The following ST8SIA5 variants were observed in gnomAD, a reference collection of about 807,000 sequenced individuals.
The protein encoded by ST8SIA5 is ST8 alpha-N-acetyl-neuraminide alpha-2,8-sialyltransferase 5, also known as alpha-2,8-sialyltransferase 8E.
Under a neutral mutation model 40.2 loss-of-function variants are expected in ST8SIA5, and 24 were observed. That is an observed-to-expected ratio of 0.60 (90% CI 0.43 to 0.84). ST8SIA5 has a LOEUF of 0.84. Among genes scored for constraint, ST8SIA5 ranks in the 40% least tolerant of loss-of-function variants. The pLI is 0.00. For missense variants in ST8SIA5, 465 were observed against 498.5 expected, an observed-to-expected ratio of 0.93 and a Z score of 0.64; for synonymous variants, 198 against 201.8, an observed-to-expected ratio of 0.98 and a Z score of 0.16.
At chr18:46,727,441 C>T (rs1254018848) in intron 1 of ST8SIA5, among the ~76,000 whole-genome samples, 1 of 152,090 alleles carries the variant, frequency 6.6e-6, no homozygotes, top group African/African-American at 2.4e-5. Flanking sequence ...GAGCCAACTA[C>T]CAGGGGAATT....
intron 1 of ST8SIA5, among the ~76,000 whole-genome samples, chr18:46,749,911 A>G (rs2040180320): frequency 6.6e-6 from 1 of 152,192 alleles, no homozygotes; most frequent in South Asian, 2.1e-4. Flanking sequence ...CCAGAGACTT[A>G]GCTACCTCTC....
chr18:46,752,675 A>G (rs993547765), intron 1 of ST8SIA5, among the ~76,000 whole-genome samples: 1 of 152,222 alleles, frequency 6.6e-6, no homozygotes, highest in African/African-American at 2.4e-5. Flanking sequence ...CCAAAGAAGT[A>G]AGCACACATC....
intron 1 of ST8SIA5, among the ~76,000 whole-genome samples, chr18:46,716,086 G>GGATAGATAGATA (rs61514320): frequency 0.13 from 18,641 of 139,586 alleles, 1,516 homozygotes; most frequent in Non-Finnish European, 0.17. Flanking sequence ...GAGTCACACA[G>GGATAGATAGATA]GATAGATAGA....
Position 46,681,626 on chromosome 18 carries a change from A to T in ST8SIA5, c.662+346T>A, listed in dbSNP as rs116822761. Among the ~76,000 whole-genome samples the T allele has an allele frequency of 7.7e-3, 1,167 of 152,272 alleles. 15 individuals are homozygous for T. The highest frequency in any genetic ancestry group is 0.026 in the African/African-American group (1,083 of 41,554). On this transcript the variant is annotated intron_variant, in intron 6 of 6. Transcript: ENST00000315087. ...CTGGAAAGCTGACCCACCCATCTCTAGGTGAAGGTAGTGTAGACCAGCACC... is the reference window on the plus strand; with the variant it reads ...CTGGAAAGCTGACCCACCCATCTCTTGGTGAAGGTAGTGTAGACCAGCACC...
At chr18:46,729,677 G>A (rs1385193687) in intron 1 of ST8SIA5, among the ~76,000 whole-genome samples, 1 of 152,174 alleles carries the variant, frequency 6.6e-6, no homozygotes. Flanking sequence ...GGCCCACAGG[G>A]GCTGTCCCCT....
chr18:46,699,973 G>A (rs933629073), intron 2 of ST8SIA5, among the ~76,000 whole-genome samples: 2 of 152,188 alleles, frequency 1.3e-5, no homozygotes, highest in African/African-American at 4.8e-5. Context: ...AGCTCCCAGT[G>A]GCAGAAAAAT....
rs779044184 is a variant in ST8SIA5 at position 46,686,295 on chromosome 18, G to A, written c.457-9C>T. On this transcript the variant is annotated splice_polypyrimidine_tract_variant and intron_variant, in intron 4 of 6. Transcript: ENST00000315087. ...CGGTAGTAGGGCATGTCCTGGGGGA[G>A]GCACAGGCACAGCTGTCAGAGCCAA... The A allele has an allele frequency of 3.1e-6, 5 of 1,612,730 alleles. No individual in the cohort carries two copies. Among genetic ancestry groups the A allele is most frequent in the Non-Finnish European group, 4.2e-6 (5 of 1,178,924 alleles).
chr18:46,751,823 C>T (rs2040198191), intron 1 of ST8SIA5, among the ~76,000 whole-genome samples: 1 of 152,206 alleles, frequency 6.6e-6, no homozygotes, highest in Non-Finnish European at 1.5e-5. Context: ...CCGGCTATAA[C>T]ATATGCCATA....
rs566184762 is a variant in ST8SIA5, at chr18:46,745,800, C to T, written c.131+10578G>A. 1.1e-4 allele frequency among the ~76,000 whole-genome samples: 16 copies of T among 152,234 alleles called. No individual in the cohort carries two copies. In the South Asian group the frequency reaches 2.3e-3, roughly 22 times the overall value. On this transcript the variant is annotated intron_variant, in intron 1 of 6. Transcript: ENST00000315087. ...TTAGACCAATATCCCTGATAAACAT[C>T]GATGCAAAAGTCCTCAATAAAATAC...
At chr18:46,680,849 A>C (rs2039387385) in intron 6 of ST8SIA5, among the ~76,000 whole-genome samples, 1 of 152,182 alleles carries the variant, frequency 6.6e-6, no homozygotes, top group African/African-American at 2.4e-5. Flanking sequence ...CTTGCTCTAG[A>C]GGCCTCACGC....
In ST8SIA5 at chr18:46,679,110, AT is replaced by A. The variant is rs753528722; in HGVS notation, c.*931del. 2 of 152,250 alleles carry A rather than the reference AT, an allele frequency of 1.3e-5. No individual in the cohort carries two copies. Among genetic ancestry groups the A allele is most frequent in the South Asian group, 2.1e-4 (1 of 4,830 alleles). 9.4% of individuals were successfully genotyped at this position (152,250 alleles called of 1,614,324 possible). A position where few individuals can be genotyped will look rare whatever the true frequency, so the allele number is the denominator to read the frequency against. On this transcript the variant is annotated 3_prime_UTR_variant, in exon 7 of 7. Transcript: ENST00000315087. ...ACACGATACAGCAGGATTCTGCAGGATTCAGAGACATGAGAGGAAGAGGTCT... is the reference window on the plus strand; with the variant it reads ...ACACGATACAGCAGGATTCTGCAGGATCAGAGACATGAGAGGAAGAGGTCT...
At chr18:46,695,323 G>A (rs1482319838) in intron 2 of ST8SIA5, among the ~76,000 whole-genome samples, 4 of 152,154 alleles carry the variant, frequency 2.6e-5, no homozygotes, top group Admixed American at 2.6e-4. Context: ...AAAAGTCATG[G>A]AAGATAGTAA....
chr18:46,702,283 C>A (rs71364561), intron 2 of ST8SIA5, among the ~76,000 whole-genome samples: 10,197 of 152,278 alleles, frequency 0.067, 441 homozygotes, highest in East Asian at 0.18. Context: ...GACAGACTCT[C>A]TGCTACCAGC....
At chr18:46,684,520 G>A (rs1204195077) in intron 5 of ST8SIA5, among the ~76,000 whole-genome samples, 1 of 152,168 alleles carries the variant, frequency 6.6e-6, no homozygotes, top group Non-Finnish European at 1.5e-5. Context: ...AGGAGATAAA[G>A]GCAGAGTGGC....
intron 1 of ST8SIA5, among the ~76,000 whole-genome samples, chr18:46,711,357 A>G (rs2039730390): frequency 1.3e-5 from 2 of 152,210 alleles, no homozygotes; most frequent in African/African-American, 4.8e-5. Flanking sequence ...CCCATTTTAT[A>G]TCTGAGACTT....
intron 1 of ST8SIA5, among the ~76,000 whole-genome samples, chr18:46,734,335 G>T (rs1461819114): frequency 6.6e-6 from 1 of 152,136 alleles, no homozygotes; most frequent in African/African-American, 2.4e-5. Context: ...AGATGCTGCA[G>T]GGCAGGAGTA....
rs756011948 is a variant in ST8SIA5, at chr18:46,672,192, G to C, written c.*7850C>G. 2 of 152,228 alleles carry C rather than the reference G, an allele frequency of 1.3e-5. No individual in the cohort carries two copies. Among genetic ancestry groups the C allele is most frequent in the African/African-American group, 2.4e-5 (1 of 41,450 alleles). The allele number at this position is 152,228 out of a possible 1,614,324, so 9.4% of individuals were successfully genotyped here. A position where few individuals can be genotyped will look rare whatever the true frequency, so the allele number is the denominator to read the frequency against. On this transcript the variant is annotated 3_prime_UTR_variant, in exon 7 of 7. Transcript: ENST00000315087. ...AATGTCAAGGGGTGGGGTCGCACGA[G>C]TATTTCTTAAAGCTCTTCAGACGAC...
intron 4 of ST8SIA5, among the ~76,000 whole-genome samples, chr18:46,688,177 A>G (rs543117054): frequency 1.3e-5 from 2 of 152,370 alleles, no homozygotes; most frequent in African/African-American, 4.8e-5. Context: ...AGCCCTGCAC[A>G]GCCTACCTCC....
chr18:46,724,989 G>GAGAAAGGAAGGA (rs2039900218), intron 1 of ST8SIA5, among the ~76,000 whole-genome samples: 1 of 99,658 alleles, frequency 1.0e-5, no homozygotes, highest in Non-Finnish European at 2.1e-5. Context: ...GAAAGAGAGA[G>GAGAAAGGAAGGA]AGGAAGGAAG....
Sources: gnomAD v4.1 joint callset for allele counts (sites outside exome capture counted in the v4.1 genomes callset) on GRCh38, gnomAD v4.1.1 for gene constraint, MANE v1.5 for transcripts, NCBI Gene and HGNC (gene_info 2026-07-23, HGNC 2026-07-21) for gene names.